Variants in OR8D4 observed in about 807,000 individuals in gnomAD.
OR8D4 encodes olfactory receptor 8D4.
For synonymous variants in OR8D4, 141 were observed against 134.8 expected, an observed-to-expected ratio of 1.05 and a Z score of -0.32; for missense variants, 359 against 372.6, an observed-to-expected ratio of 0.96 and a Z score of 0.30.
rs941056604 is a variant in OR8D4 at position 123,909,210 on chromosome 11, T to A, written c.*1834T>A. ...GAATAGCAGTAGAAATAAAAAAAAA[T>A]AGATTCAAGATACATTTCTGACTGT... On this transcript the variant is annotated 3_prime_UTR_variant, in exon 2 of 2. Transcript: ENST00000641687. The A allele has an allele frequency of 6.6e-6, 1 of 152,028 alleles. No individual in the cohort carries two copies. Among genetic ancestry groups the A allele is most frequent in the Admixed American group, 6.6e-5 (1 of 15,254 alleles). 9.4% of individuals were successfully genotyped at this position (152,028 alleles called of 1,614,324 possible).
Position 123,906,638 on chromosome 11 carries a change from A to C in OR8D4, c.207A>C (p.Leu69Phe), listed in dbSNP as rs765485054. The change falls in exon 2 of 2, where the codon TTA becomes TTC. Residue 69 changes from leucine to phenylalanine, a missense_variant. By Grantham distance (22) the Leu-to-Phe change is conservative. Transcript: ENST00000641687. ...ATTTCCTGAGTAGTTTGTCTTTTTTAGATTTCTGCTATTCTTCTGTCATTA... is the reference window on the plus strand; with the variant it reads ...ATTTCCTGAGTAGTTTGTCTTTTTTCGATTTCTGCTATTCTTCTGTCATTA... ...MYYFLSSLSF[L>F]DFCYSSVITP... The C allele has an allele frequency of 6.2e-7, 1 of 1,613,602 alleles. No homozygotes were observed. Among genetic ancestry groups the C allele is most frequent in the Non-Finnish European group, 8.5e-7 (1 of 1,179,586 alleles).
rs150490501 is a variant in OR8D4, at chr11:123,906,566, G to A, written c.135G>A (p.Met45Ile). ...TTACTGTGGTGGGAAACCTCAGCAT[G>A]ATCTCAATTATTAGGCTGAATCGTC... is the stretch of plus-strand genomic sequence containing the variant. ...YTVTVVGNLSMISIIRLNRQL... is the reference protein window; with the variant it reads ...YTVTVVGNLSIISIIRLNRQL... Residue 45 changes from methionine (M) to isoleucine (I), a missense_variant, in exon 2 of 2, where the codon ATG becomes ATA. Physicochemically the swap from Met to Ile is conservative, Grantham distance 10. Transcript: ENST00000641687. 14 of 1,613,636 alleles carry A rather than the reference G, an allele frequency of 8.7e-6. No individual in the cohort carries two copies. Among genetic ancestry groups the A allele is most frequent in the South Asian group, 3.3e-5 (3 of 91,070 alleles).
intron 1 of OR8D4, among the ~76,000 whole-genome samples, chr11:123,904,679 C>T (rs1021433548): frequency 3.3e-5 from 5 of 152,130 alleles, no homozygotes; most frequent in Non-Finnish European, 7.4e-5. Context: ...GGGAAGCCTG[C>T]TCAGAGAATA....
Position 123,907,117 on chromosome 11 carries a change from A to T in OR8D4, c.686A>T (p.His229Leu), listed in dbSNP as rs1863209865. Residue 229 changes from histidine (H) to leucine (L), a missense_variant, in exon 2 of 2, where the codon CAC becomes CTC. Coordinates refer to ENST00000641687, the MANE Select transcript of OR8D4 (RefSeq NM_001005197.2). ...ATCCTCACCAGCATCCTGCGCATCC[A>T]CTCTAAAAAGGGCAGGTGCAAAGCG... is the stretch of plus-strand genomic sequence containing the variant. ...AFILTSILRIHSKKGRCKAFS... is the reference protein window; with the variant it reads ...AFILTSILRILSKKGRCKAFS... The T allele has an allele frequency of 6.2e-7, 1 of 1,613,802 alleles. No homozygotes were observed. Among genetic ancestry groups the T allele is most frequent in the Non-Finnish European group, 8.5e-7 (1 of 1,179,908 alleles).
rs1361499931 is a variant in OR8D4, at chr11:123,907,415, C to T, written c.*39C>T. 1 of 848,200 alleles carries T rather than the reference C, an allele frequency of 1.2e-6. No homozygotes were observed. Among genetic ancestry groups the T allele is most frequent in the Admixed American group, 2.6e-5 (1 of 38,328 alleles). The allele number at this position is 848,200 out of a possible 1,614,324, so 52.5% of individuals were successfully genotyped here. On this transcript the variant is annotated 3_prime_UTR_variant, in exon 2 of 2. Transcript: ENST00000641687. ...TAAGATCTATTTCTGTATTCATAAT[C>T]ATGATTATATGTATATATTTATACC...
chr11:123,902,548 G>T (rs899478693), intron 1 of OR8D4, among the ~76,000 whole-genome samples: 7 of 152,086 alleles, frequency 4.6e-5, no homozygotes, highest in Non-Finnish European at 7.4e-5. Context: ...TACATTCACA[G>T]TTATTGTCTC....
At chr11:123,903,272 A>C (rs1002305656) in intron 1 of OR8D4, among the ~76,000 whole-genome samples, 1 of 152,130 alleles carries the variant, frequency 6.6e-6, no homozygotes, top group African/African-American at 2.4e-5. Context: ...TTGGTATCTG[A>C]AGGGGTCCAG....
chr11:123,905,866 C>T (rs552546661), intron 1 of OR8D4, among the ~76,000 whole-genome samples: 106 of 152,308 alleles, frequency 7.0e-4, no homozygotes, highest in African/African-American at 2.5e-3. Flanking sequence ...AGTCTTCCTG[C>T]ATCCAACTAT....
At position 123,906,796 on chromosome 11, in the gene OR8D4, G is replaced by T. The variant is rs987190991; in HGVS notation, c.365G>T (p.Arg122Leu). ...ATGCTGGCAGCCATGGCCTGCGATCGCTACGTGGCCATCTGCAGCCCACTG... is the reference window on the plus strand; with the variant it reads ...ATGCTGGCAGCCATGGCCTGCGATCTCTACGTGGCCATCTGCAGCCCACTG... ...CYMLAAMACD[R>L]YVAICSPLLY... The change falls in exon 2 of 2, where the codon CGC becomes CTC. Residue 122 changes from arginine to leucine, a missense_variant. Coordinates refer to ENST00000641687, the MANE Select transcript of OR8D4 (RefSeq NM_001005197.2). 6.2e-7 allele frequency: 1 copy of T among 1,613,592 alleles called. No individual in the cohort carries two copies. The highest frequency in any genetic ancestry group is 8.5e-7 in the Non-Finnish European group (1 of 1,179,866).
intron 1 of OR8D4, among the ~76,000 whole-genome samples, chr11:123,903,644 G>A (rs965365446): frequency 1.3e-5 from 2 of 152,142 alleles, no homozygotes; most frequent in Non-Finnish European, 2.9e-5. Flanking sequence ...GGCTAGTCAA[G>A]TTTACTGTTT....
rs1156891972 is a variant in OR8D4 at position 123,908,143 on chromosome 11, A to G, written c.*767A>G. 1.3e-5 allele frequency: 2 copies of G among 152,226 alleles called. No homozygotes were observed. The highest frequency in any genetic ancestry group is 4.8e-5 in the African/African-American group (2 of 41,464). 9.4% of individuals were successfully genotyped at this position (152,226 alleles called of 1,614,324 possible). A position where few individuals can be genotyped will look rare whatever the true frequency, so the allele number is the denominator to read the frequency against. On this transcript the variant is annotated 3_prime_UTR_variant, in exon 2 of 2. Transcript: ENST00000641687. ...CAGTATTGTCTTACAGTGTAATGCAATGAAGAAGATTCAACAAAGGACTAA... is the reference window on the plus strand; with the variant it reads ...CAGTATTGTCTTACAGTGTAATGCAGTGAAGAAGATTCAACAAAGGACTAA...
In OR8D4 at chr11:123,903,019, C is replaced by T. The variant is rs569665501; in HGVS notation, c.-16+762C>T. On this transcript the variant is annotated intron_variant, in intron 1 of 1. Coordinates refer to ENST00000641687, the MANE Select transcript of OR8D4 (RefSeq NM_001005197.2). ...TCTGTGGGTTCCACATCTGTGGATT[C>T]AACCAATGGCAGATGGAAGATTTTT... Among the ~76,000 whole-genome samples, 139 of 136,554 alleles carry T rather than the reference C, an allele frequency of 1.0e-3. 1 individual carries two copies. Among genetic ancestry groups the T allele is most frequent in the Non-Finnish European group, 1.6e-3 (102 of 64,258 alleles). The allele number at this position is 136,554 out of a possible 152,430, so 89.6% of individuals were successfully genotyped here.
At chr11:123,906,063 G>T in intron 1 of OR8D4, 1 of 188,820 alleles carries the variant, frequency 5.3e-6, no homozygotes. Context: ...TCTCTAATTA[G>T]TCTGTCTTCC....
In OR8D4 at chr11:123,906,588, C is replaced by T. The variant is rs772955197; in HGVS notation, c.157C>T (p.Arg53Cys). Residue 53 changes from arginine (R) to cysteine (C), a missense_variant, in exon 2 of 2, where the codon CGT becomes TGT. Physicochemically the swap from Arg to Cys is radical, Grantham distance 180 (BLOSUM62 -3). Coordinates refer to ENST00000641687, the MANE Select transcript of OR8D4 (RefSeq NM_001005197.2). ...LSMISIIRLN[R>C]QLHTPMYYFL... ...CATGATCTCAATTATTAGGCTGAAT[C>T]GTCAACTTCATACCCCCATGTACTA... 1.4e-5 allele frequency: 22 copies of T among 1,613,848 alleles called. No homozygotes were observed. Among genetic ancestry groups the T allele is most frequent in the Admixed American group, 1.7e-5 (1 of 59,996 alleles).
chr11:123,905,892 A>G (rs1863194776), intron 1 of OR8D4, among the ~76,000 whole-genome samples: 1 of 152,158 alleles, frequency 6.6e-6, no homozygotes, highest in African/African-American at 2.4e-5. Context: ...GACACCTGCA[A>G]ATTAGCTCCC....
At position 123,907,835 on chromosome 11, in the gene OR8D4, T is replaced by A. The variant is rs1863219217; in HGVS notation, c.*459T>A. On this transcript the variant is annotated 3_prime_UTR_variant, in exon 2 of 2. Coordinates refer to ENST00000641687, the MANE Select transcript of OR8D4 (RefSeq NM_001005197.2). ...TAAATATATGCACAGATAATTACAT[T>A]AATAACATGTAAAACAACATATATG... 6.6e-6 allele frequency: 1 copy of A among 151,748 alleles called. No individual in the cohort carries two copies. Among genetic ancestry groups the A allele is most frequent in the Admixed American group, 6.6e-5 (1 of 15,218 alleles). The allele number at this position is 151,748 out of a possible 1,614,324, so 9.4% of individuals were successfully genotyped here.
At position 123,907,296 on chromosome 11, in the gene OR8D4, A is replaced by G. The variant is rs772051731; in HGVS notation, c.865A>G (p.Ile289Val). Residue 289 changes from isoleucine (I) to valine (V), a missense_variant, in exon 2 of 2, where the codon ATA (isoleucine) becomes GTA (valine). Ile to Val is a conservative substitution (Grantham distance 29). Transcript: ENST00000641687. The stretch of plus-strand genomic sequence containing the variant: ...TGTGATTCTCATGTTGAATCCCTTG[A>G]TATATAGTCTGAGGAACAATGAAGT... ...TTVILMLNPL[I>V]YSLRNNEVRN... 1 of 1,592,900 alleles carries G rather than the reference A, an allele frequency of 6.3e-7. No homozygotes were observed.
chr11:123,903,163 A>AAT (rs1863174526), intron 1 of OR8D4, among the ~76,000 whole-genome samples: 1 of 149,570 alleles, frequency 6.7e-6, no homozygotes, highest in Non-Finnish European at 1.5e-5. Flanking sequence ...TATTATAAGT[A>AAT]ATCTAGAGAT....
chr11:123,906,769 A>G lies in OR8D4; in HGVS notation c.338A>G (p.Tyr113Cys). The change falls in exon 2 of 2, where the codon TAC (tyrosine) becomes TGC (cysteine). Residue 113 changes from tyrosine to cysteine, a missense_variant. Coordinates refer to ENST00000641687, the MANE Select transcript of OR8D4 (RefSeq NM_001005197.2). Reference protein sequence around the residue: ...FFCVCVISECYMLAAMACDRY... With the variant: ...FFCVCVISECCMLAAMACDRY... Reference sequence around the variant, plus strand: ...TGTGTTTGTGTTATTTCTGAATGCTACATGCTGGCAGCCATGGCCTGCGAT... The same window carrying G: ...TGTGTTTGTGTTATTTCTGAATGCTGCATGCTGGCAGCCATGGCCTGCGAT... 6.2e-7 allele frequency: 1 copy of G among 1,613,892 alleles called. No individual in the cohort carries two copies. Among genetic ancestry groups the G allele is most frequent in the Non-Finnish European group, 8.5e-7 (1 of 1,179,850 alleles).
Sources: gnomAD v4.1 joint callset for allele counts (sites outside exome capture counted in the v4.1 genomes callset) on GRCh38, gnomAD v4.1.1 for gene constraint, MANE v1.5 for transcripts, NCBI Gene and HGNC (gene_info 2026-07-23, HGNC 2026-07-21) for gene names.